Variants in SH3RF3 observed in about 807,000 individuals in gnomAD.
The protein encoded by SH3RF3 is E3 ubiquitin-protein ligase SH3RF3.
SH3RF3 carries 29 observed loss-of-function variants against 66.3 expected under a neutral mutation model. The observed-to-expected ratio is 0.44, with a 90% CI of 0.33 to 0.60. The LOEUF is 0.60. Ranked by LOEUF, SH3RF3 falls within the 20% of genes least tolerant of loss-of-function variation. The probability of loss-of-function intolerance (pLI) is 0.04; values close to 1 mark genes in which losing one functional copy is unlikely to be tolerated. For synonymous variants in SH3RF3, 583 were observed against 532.0 expected, an observed-to-expected ratio of 1.10 and a Z score of -1.32; for missense variants, 1,194 against 1,190.9, an observed-to-expected ratio of 1.00 and a Z score of -0.04.
intron 7 of SH3RF3, among the ~76,000 whole-genome samples, chr2:109,439,449 TCC>T (rs1438167300): frequency 6.6e-6 from 1 of 152,110 alleles, no homozygotes; most frequent in Non-Finnish European, 1.5e-5. Flanking sequence ...CTGTTGACAG[TCC>T]AAGTAATGGA....
At chr2:109,370,490 C>T (rs1218520510) in intron 2 of SH3RF3, among the ~76,000 whole-genome samples, 3 of 152,068 alleles carry the variant, frequency 2.0e-5, no homozygotes, top group African/African-American at 4.8e-5. Context: ...TCACCCGCCT[C>T]GACCTCCCAA....
At chr2:109,168,661 T>G (rs939116013) in intron 1 of SH3RF3, among the ~76,000 whole-genome samples, 1 of 63,660 alleles carries the variant, frequency 1.6e-5, no homozygotes, top group Non-Finnish European at 3.3e-5. Context: ...CTGCTCAAAC[T>G]GAAAACCTTT....
chr2:109,403,195 G>T (rs1479035313), intron 4 of SH3RF3, among the ~76,000 whole-genome samples: 1 of 152,232 alleles, frequency 6.6e-6, no homozygotes, highest in Non-Finnish European at 1.5e-5. Context: ...GCACCATGAA[G>T]CCTGGGAGCA....
chr2:109,456,929 G>A (rs1181596609), intron 8 of SH3RF3, among the ~76,000 whole-genome samples: 1 of 152,364 alleles, frequency 6.6e-6, no homozygotes, highest in Non-Finnish European at 1.5e-5. Flanking sequence ...GAGGGAAGGA[G>A]CACAGTCATC....
chr2:109,465,610 G>GA (rs1678320386), intron 8 of SH3RF3, among the ~76,000 whole-genome samples: 1 of 152,170 alleles, frequency 6.6e-6, no homozygotes, highest in African/African-American at 2.4e-5. Flanking sequence ...CTGCTATAAA[G>GA]AAATACCTGA....
intron 1 of SH3RF3, among the ~76,000 whole-genome samples, chr2:109,138,942 C>A (rs1676874395): frequency 6.6e-6 from 1 of 152,200 alleles, no homozygotes; most frequent in African/African-American, 2.4e-5. Context: ...ACACTGTAAA[C>A]AAATAGCCAA....
At chr2:109,323,528 T>C (rs552635222) in intron 1 of SH3RF3, among the ~76,000 whole-genome samples, 2 of 152,324 alleles carry the variant, frequency 1.3e-5, no homozygotes, top group East Asian at 3.9e-4. Flanking sequence ...AGGAAGAATA[T>C]TGTAGGTAGT....
chr2:109,489,272 C>A (rs1679064709), intron 8 of SH3RF3, among the ~76,000 whole-genome samples: 1 of 152,246 alleles, frequency 6.6e-6, no homozygotes, highest in African/African-American at 2.4e-5. Flanking sequence ...CTTTAGACAC[C>A]TTATCGGGTG....
At chr2:109,360,063 CAAAAA>C (rs35020112) in intron 2 of SH3RF3, among the ~76,000 whole-genome samples, 37 of 135,122 alleles carry the variant, frequency 2.7e-4, no homozygotes, top group African/African-American at 2.4e-4. Flanking sequence ...TTCCTTGCAC[CAAAAA>C]AAAAAAAAAA....
At chr2:109,211,591 G>A (rs1459187432) in intron 1 of SH3RF3, among the ~76,000 whole-genome samples, 2 of 152,156 alleles carry the variant, frequency 1.3e-5, no homozygotes, top group Non-Finnish European at 2.9e-5. Context: ...GCACAGCAGT[G>A]GGGAGCATTA....
intron 1 of SH3RF3, among the ~76,000 whole-genome samples, chr2:109,311,709 G>T (rs898436240): frequency 3.9e-5 from 6 of 152,218 alleles, no homozygotes; most frequent in Admixed American, 3.3e-4. Context: ...TACCCTGGTG[G>T]TGGTTTTGTT....
chr2:109,420,404 G>A (rs1573237278), intron 5 of SH3RF3, among the ~76,000 whole-genome samples: 1 of 152,138 alleles, frequency 6.6e-6, no homozygotes, highest in East Asian at 1.9e-4. Flanking sequence ...AACCTGTGTT[G>A]TTACAGAACA....
chr2:109,220,121 C>T (rs1317641174), intron 1 of SH3RF3, among the ~76,000 whole-genome samples: 1 of 152,194 alleles, frequency 6.6e-6, no homozygotes, highest in Non-Finnish European at 1.5e-5. Flanking sequence ...AACAAACTGT[C>T]ACATGTATGG....
chr2:109,444,556 A>G (rs1037344719), intron 7 of SH3RF3, among the ~76,000 whole-genome samples: 2 of 152,192 alleles, frequency 1.3e-5, no homozygotes, highest in African/African-American at 4.8e-5. Flanking sequence ...CTGGGGTGTG[A>G]GAGAAAGAAG....
At chr2:109,225,541 G>A (rs773254818) in intron 1 of SH3RF3, among the ~76,000 whole-genome samples, 2 of 152,246 alleles carry the variant, frequency 1.3e-5, no homozygotes, top group Non-Finnish European at 2.9e-5. Flanking sequence ...GTTTTCTCCT[G>A]AGAGTTAGGC....
chr2:109,231,179 T>C (rs1679505185), intron 1 of SH3RF3, among the ~76,000 whole-genome samples: 1 of 152,248 alleles, frequency 6.6e-6, no homozygotes, highest in African/African-American at 2.4e-5. Flanking sequence ...AGAGCGGCTT[T>C]GCCGAAGTCT....
chr2:109,175,116 T>A (rs1325604555), intron 1 of SH3RF3, among the ~76,000 whole-genome samples: 1 of 152,188 alleles, frequency 6.6e-6, no homozygotes, highest in Non-Finnish European at 1.5e-5. Context: ...CTACTAGTAG[T>A]CCTGGTCATT....
chr2:109,395,189 G>A (rs1003654364), intron 3 of SH3RF3, among the ~76,000 whole-genome samples: 1 of 152,260 alleles, frequency 6.6e-6, no homozygotes, highest in African/African-American at 2.4e-5. Context: ...ATGCCTGTGT[G>A]AGTATGGCAA....
At chr2:109,414,745 C>T (rs1022713800) in intron 4 of SH3RF3, among the ~76,000 whole-genome samples, 1 of 152,212 alleles carries the variant, frequency 6.6e-6, no homozygotes, top group African/African-American at 2.4e-5. Context: ...AGCACTGAGC[C>T]CATGGCCTCT....
Sources: allele counts gnomAD v4.1 joint callset (sites outside exome capture counted in the v4.1 genomes callset), GRCh38; gene constraint gnomAD v4.1.1; transcripts MANE v1.5; gene names NCBI Gene and HGNC (gene_info 2026-07-23, HGNC 2026-07-21).